Variants in SREBF2 observed in about 807,000 individuals in gnomAD.
SREBF2 encodes sterol regulatory element binding transcription factor 2.
SREBF2 carries 55 observed loss-of-function variants against 113.1 expected under a neutral mutation model. The ratio of observed to expected loss-of-function variants is 0.49; its 90% confidence interval spans 0.39 to 0.61. SREBF2 has a LOEUF of 0.61. SREBF2 is among the 20% of genes least tolerant of loss of function. The pLI is 0.00. For synonymous variants in SREBF2, 593 were observed against 605.7 expected (o/e 0.98, Z 0.31); for missense variants, 1,349 against 1,487.4 (o/e 0.91, Z 1.53).
At chr22:41,856,283 T>C in intron 1 of SREBF2, among the ~76,000 whole-genome samples, 1 of 152,008 alleles carries the variant, frequency 6.6e-6, no homozygotes, top group East Asian at 1.9e-4. Flanking sequence ...CGTGCCACCA[T>C]GCCCCCTGCT....
chr22:41,852,728 A>ATTTTTTTTTT (rs544824099), intron 1 of SREBF2, among the ~76,000 whole-genome samples: 6 of 40,400 alleles, frequency 1.5e-4, no homozygotes, highest in Admixed American at 8.1e-4. Flanking sequence ...TCTCAGAATG[A>ATTTTTTTTTT]TTTTTTTTTT....
At chr22:41,852,986 G>C (rs895315621) in intron 1 of SREBF2, among the ~76,000 whole-genome samples, 1 of 152,078 alleles carries the variant, frequency 6.6e-6, no homozygotes, top group African/African-American at 2.4e-5. Flanking sequence ...CTGACCTCAA[G>C]TGATCCACCC....
chr22:41,882,264 TC>T (rs1453169857), intron 10 of SREBF2, among the ~76,000 whole-genome samples: 1 of 152,164 alleles, frequency 6.6e-6, no homozygotes, highest in African/African-American at 2.4e-5. Flanking sequence ...CCCTGGTTCT[TC>T]CTTGGGAGTT....
intron 3 of SREBF2, 99 bp downstream of exon 3, chr22:41,868,891 T>G (rs537912682): frequency 4.0e-6 from 6 of 1,485,188 alleles, no homozygotes; most frequent in East Asian, 2.5e-5. Context: ...CCAACCAGAG[T>G]GTACACAAAG....
intron 3 of SREBF2, among the ~76,000 whole-genome samples, chr22:41,869,022 A>G (rs2077114237): frequency 6.6e-6 from 1 of 152,242 alleles, no homozygotes; most frequent in Admixed American, 6.5e-5. Flanking sequence ...TACACATGTA[A>G]TGGGCATAAA....
rs1894710 is a variant in SREBF2, at chr22:41,905,129, T to C, written c.3205+155T>C. Reference sequence around the variant, plus strand: ...GAAAGAAGCCCGAGGCCGCCCTTGGTGGGTTGCAGGGGTTGGGGTGGTCAT... The same window carrying C: ...GAAAGAAGCCCGAGGCCGCCCTTGGCGGGTTGCAGGGGTTGGGGTGGTCAT... On this transcript the variant is annotated intron_variant, in intron 18 of 18. Transcript: ENST00000361204. Among the ~76,000 whole-genome samples the C allele has an allele frequency of 0.14, 21,427 of 152,122 alleles. 2,098 individuals carry two copies. Among genetic ancestry groups the C allele is most frequent in the Admixed American group, 0.31 (4,713 of 15,302 alleles).
intron 17 of SREBF2, chr22:41,904,517 C>T (rs1225855804): frequency 3.8e-6 from 2 of 525,916 alleles, no homozygotes; most frequent in South Asian, 1.5e-5. Flanking sequence ...TCACACCTGT[C>T]CTTTTGTCAA....
chr22:41,905,005 G>A, intron 18 of SREBF2, 31 bp downstream of exon 18: 2 of 1,552,276 alleles, frequency 1.3e-6, no homozygotes, highest in East Asian at 2.3e-5. Context: ...CTCACAGGCT[G>A]GGCCAGGCCC....
intron 16 of SREBF2, among the ~76,000 whole-genome samples, chr22:41,902,158 C>T (rs2077470512): frequency 6.6e-6 from 1 of 152,218 alleles, no homozygotes; most frequent in Non-Finnish European, 1.5e-5. Flanking sequence ...AGATGAGGCT[C>T]AGCCTGAGGG....
chr22:41,881,343 C>T (rs2077243892), intron 10 of SREBF2, among the ~76,000 whole-genome samples: 1 of 152,240 alleles, frequency 6.6e-6, no homozygotes, highest in Admixed American at 6.5e-5. Context: ...ATATGATCAT[C>T]TGTTTCATTC....
chr22:41,854,504 G>A (rs990244665), intron 1 of SREBF2, among the ~76,000 whole-genome samples: 11 of 151,874 alleles, frequency 7.2e-5, no homozygotes, highest in African/African-American at 2.2e-4. Flanking sequence ...TGCTTGAAGC[G>A]GTACAGGGAA....
chr22:41,835,157 TTTTA>T (rs967442747), intron 1 of SREBF2, among the ~76,000 whole-genome samples: 1 of 44,582 alleles, frequency 2.2e-5, no homozygotes, highest in African/African-American at 1.1e-4. Context: ...AAATTTAAAT[TTTTA>T]TTTATTTAGT....
At chr22:41,855,755 CT>C (rs572611963) in intron 1 of SREBF2, among the ~76,000 whole-genome samples, 19,664 of 140,972 alleles carry the variant, frequency 0.14, 1,670 homozygotes, top group Admixed American at 0.32. Flanking sequence ...TGTAGTATAA[CT>C]TTTTTTTTTT....
At chr22:41,861,950 T>C (rs2077031090) in intron 1 of SREBF2, among the ~76,000 whole-genome samples, 1 of 151,734 alleles carries the variant, frequency 6.6e-6, no homozygotes, top group East Asian at 1.9e-4. Flanking sequence ...AAACATTGTC[T>C]AACACAAGGT....
At chr22:41,882,806 CAAAA>C (rs1340095528) in intron 10 of SREBF2, among the ~76,000 whole-genome samples, 3 of 152,082 alleles carry the variant, frequency 2.0e-5, no homozygotes, top group Non-Finnish European at 2.9e-5. Flanking sequence ...AACTCCATCT[CAAAA>C]AGAAAGGATA....
At chr22:41,861,119 G>T (rs1031677532) in intron 1 of SREBF2, among the ~76,000 whole-genome samples, 2 of 152,206 alleles carry the variant, frequency 1.3e-5, no homozygotes, top group African/African-American at 2.4e-5. Context: ...AAAACAATTT[G>T]CATGCATGTG....
chr22:41,833,387 G>A lies in SREBF2; in HGVS notation c.88+29G>A, dbSNP rs537858400. 6.8e-6 allele frequency: 10 copies of A among 1,480,098 alleles called. No individual in the cohort carries two copies. The African/African-American group carries it at 1.3e-4, about 19-fold the overall frequency. The allele number at this position is 1,480,098 out of a possible 1,614,324, so 91.7% of individuals were successfully genotyped here. Reference sequence around the variant, plus strand: ...AGTGGTGGGTGGGTGGGAGTGCGGGGGCCGCGCGGGGAGGAAGGGGTTACG... The same window carrying A: ...AGTGGTGGGTGGGTGGGAGTGCGGGAGCCGCGCGGGGAGGAAGGGGTTACG... On this transcript the variant is annotated intron_variant, in intron 1 of 18. Coordinates refer to ENST00000361204, the MANE Select transcript of SREBF2 (RefSeq NM_004599.4). This position sits in a 1 kb window ranked among gnomAD's most constrained non-coding sequence, Gnocchi z 4.1.
At chr22:41,899,274 C>T (rs1220281859) in intron 15 of SREBF2, 2 of 1,064,790 alleles carry the variant, frequency 1.9e-6, no homozygotes, top group Non-Finnish European at 2.3e-6. Context: ...GCAACTTTGT[C>T]CTGTAACTAA....
At chr22:41,838,561 C>T (rs997164306) in intron 1 of SREBF2, among the ~76,000 whole-genome samples, 4 of 152,034 alleles carry the variant, frequency 2.6e-5, no homozygotes, top group Non-Finnish European at 4.4e-5. Context: ...GGTGAAACCC[C>T]ATTTCTACTA....
Sources: gnomAD v4.1 joint callset for allele counts (sites outside exome capture counted in the v4.1 genomes callset) on GRCh38, gnomAD v4.1.1 for gene constraint, Gnocchi (gnomAD v3.1) non-coding constraint, MANE v1.5 for transcripts, NCBI Gene and HGNC (gene_info 2026-07-23, HGNC 2026-07-21) for gene names.